Variants in KSR1 observed in about 807,000 individuals in gnomAD.
The protein encoded by KSR1 is kinase suppressor of ras.
KSR1 carries 35 observed loss-of-function variants against 92.9 expected under a neutral mutation model. That is an observed-to-expected ratio of 0.38 (90% CI 0.29 to 0.50). KSR1 has a LOEUF of 0.50. KSR1 is among the 20% of genes least tolerant of loss of function. KSR1 has a pLI of 0.94. For missense variants in KSR1, 972 were observed against 1,158.5 expected, an observed-to-expected ratio of 0.84 and a Z score of 2.34; for synonymous variants, 467 against 472.6, an observed-to-expected ratio of 0.99 and a Z score of 0.15.
chr17:27,549,710 A>G (rs926275412), intron 1 of KSR1, among the ~76,000 whole-genome samples: 4 of 152,096 alleles, frequency 2.6e-5, no homozygotes, highest in African/African-American at 9.7e-5. Context: ...CCTGGCCAAT[A>G]CTGCTGCTGC....
At chr17:27,479,557 A>C (rs1416534220) in intron 1 of KSR1, among the ~76,000 whole-genome samples, 1 of 152,122 alleles carries the variant, frequency 6.6e-6, no homozygotes, top group South Asian at 2.1e-4. Context: ...GCTCTGACCC[A>C]CACTGGCCCT....
intron 18 of KSR1, among the ~76,000 whole-genome samples, chr17:27,615,399 A>T (rs751757110): frequency 6.6e-5 from 10 of 152,244 alleles, no homozygotes; most frequent in Non-Finnish European, 1.0e-4. Context: ...CTTCCACTTC[A>T]TCAATTACTC....
intron 1 of KSR1, among the ~76,000 whole-genome samples, chr17:27,502,925 T>C (rs2069243813): frequency 6.6e-6 from 1 of 152,188 alleles, no homozygotes; most frequent in Non-Finnish European, 1.5e-5. Flanking sequence ...GTGCTGATGG[T>C]AACAGTAACA....
chr17:27,591,180 G>A (rs1426410308), intron 7 of KSR1, among the ~76,000 whole-genome samples: 1 of 152,224 alleles, frequency 6.6e-6, no homozygotes, highest in Non-Finnish European at 1.5e-5. Context: ...TCTGGGACCT[G>A]TAAGGAGTTC....
At chr17:27,580,054 A>G (rs1260780296) in intron 3 of KSR1, among the ~76,000 whole-genome samples, 1 of 152,080 alleles carries the variant, frequency 6.6e-6, no homozygotes, top group Non-Finnish European at 1.5e-5. Flanking sequence ...AGCCACTGCC[A>G]ATCAGCTGGT....
At chr17:27,506,234 G>GT (rs2069376680) in intron 1 of KSR1, among the ~76,000 whole-genome samples, 1 of 152,202 alleles carries the variant, frequency 6.6e-6, no homozygotes, top group Admixed American at 6.5e-5. Flanking sequence ...TTGGCTCAGT[G>GT]TGGCCTTGGC....
intron 1 of KSR1, among the ~76,000 whole-genome samples, chr17:27,523,511 G>C (rs1228987806): frequency 1.3e-5 from 2 of 152,196 alleles, no homozygotes; most frequent in Non-Finnish European, 2.9e-5. Context: ...ACAGCTGGAG[G>C]CTTCCAGATA....
At chr17:27,581,699 A>C (rs1002898505) in intron 3 of KSR1, among the ~76,000 whole-genome samples, 1 of 152,106 alleles carries the variant, frequency 6.6e-6, no homozygotes, top group Non-Finnish European at 1.5e-5. Flanking sequence ...CAGAGCATAC[A>C]TAGTGTGTTA....
At chr17:27,605,112 C>T (rs1310618762) in intron 13 of KSR1, among the ~76,000 whole-genome samples, 1 of 152,212 alleles carries the variant, frequency 6.6e-6, no homozygotes, top group Non-Finnish European at 1.5e-5. Flanking sequence ...AGGATGGATG[C>T]AGTGAAATTC....
chr17:27,597,309 C>T lies in KSR1; in HGVS notation c.1341C>T (p.Asn447=). ...PAMNHLDSSS[N]PSSTTSSTPS... The stretch of plus-strand genomic sequence containing the variant: ...TGAATCACCTGGACTCCAGCAGCAA[C>T]CCTTCCTCCACCACCTCCTCCACAC... Residue 447 remains asparagine, a synonymous_variant, in exon 10 of 21, where the codon AAC becomes AAT. Transcript: ENST00000644974. 3 of 1,607,042 alleles carry T rather than the reference C, an allele frequency of 1.9e-6. No homozygotes were observed. The highest frequency in any genetic ancestry group is 2.5e-6 in the Non-Finnish European group (3 of 1,176,876).
intron 1 of KSR1, among the ~76,000 whole-genome samples, chr17:27,494,933 A>C (rs1210553121): frequency 6.6e-6 from 1 of 152,198 alleles, no homozygotes; most frequent in Admixed American, 6.5e-5. Context: ...CCCATAAGCA[A>C]GTGCCCCAGG....
At chr17:27,548,988 A>T (rs1215841357) in intron 1 of KSR1, among the ~76,000 whole-genome samples, 1 of 152,236 alleles carries the variant, frequency 6.6e-6, no homozygotes, top group Non-Finnish European at 1.5e-5. Flanking sequence ...AAAATCCAAA[A>T]TGCTCCAGTG....
chr17:27,595,690 C>T (rs2073319671), intron 9 of KSR1, among the ~76,000 whole-genome samples: 1 of 144,314 alleles, frequency 6.9e-6, no homozygotes, highest in Non-Finnish European at 1.5e-5. Context: ...GCTCCCTGCC[C>T]CCCACATTCT....
chr17:27,549,928 G>A (rs2071330903), intron 1 of KSR1, among the ~76,000 whole-genome samples: 1 of 152,194 alleles, frequency 6.6e-6, no homozygotes, highest in Non-Finnish European at 1.5e-5. Flanking sequence ...CCCAACCCAG[G>A]CAGTTGGATT....
At chr17:27,478,258 G>A (rs932886131) in intron 1 of KSR1, among the ~76,000 whole-genome samples, 10 of 152,298 alleles carry the variant, frequency 6.6e-5, no homozygotes, top group African/African-American at 2.2e-4. Flanking sequence ...AAAAGGGGAT[G>A]GTGTCAGGGT....
At chr17:27,465,438 T>A (rs1005330089) in intron 1 of KSR1, 13 of 152,146 alleles carry the variant, frequency 8.5e-5, no homozygotes, top group African/African-American at 3.1e-4. Flanking sequence ...CCCAGCACTT[T>A]GGGAGGCAGA....
rs1160440142 is a variant in KSR1, at chr17:27,615,931, G to A, written c.2494-1364G>A. Among the ~76,000 whole-genome samples the A allele has an allele frequency of 3.3e-5, 5 of 152,176 alleles. No individual in the cohort carries two copies. The East Asian group carries it at 9.6e-4, about 29-fold the overall frequency. ...GAGAACACAGGGATTTTGCCCTGCT[G>A]TCTACTAAGTGTCCAGTGCCTTGTT... On this transcript the variant is annotated intron_variant, in intron 18 of 20. Transcript: ENST00000644974.
At chr17:27,560,963 C>CA (rs2071804114) in intron 2 of KSR1, among the ~76,000 whole-genome samples, 1 of 152,198 alleles carries the variant, frequency 6.6e-6, no homozygotes, top group Admixed American at 6.5e-5. Context: ...GGCTGGGCCA[C>CA]ACAGCTCTCC....
intron 1 of KSR1, chr17:27,526,643 C>T (rs1354864038): frequency 5.1e-6 from 8 of 1,561,070 alleles, no homozygotes; most frequent in African/African-American, 1.4e-5. Flanking sequence ...TTTTAAAGCA[C>T]CTTCCTGAGA....
Sources: allele counts gnomAD v4.1 joint callset (sites outside exome capture counted in the v4.1 genomes callset), GRCh38; gene constraint gnomAD v4.1.1; transcripts MANE v1.5; gene names NCBI Gene and HGNC (gene_info 2026-07-23, HGNC 2026-07-21).